The following LRMDA variants were observed in gnomAD, a reference collection of about 807,000 sequenced individuals.
LRMDA encodes the protein leucine-rich melanocyte differentiation-associated protein.
Under a neutral mutation model 29.8 loss-of-function variants are expected in LRMDA, and 18 were observed. The observed-to-expected ratio is 0.60, with a 90% CI of 0.42 to 0.90. The LOEUF (loss-of-function observed/expected upper bound fraction) is 0.90, where lower values mean the gene tolerates loss of function less well. Ranked by LOEUF, LRMDA falls within the 40% of genes least tolerant of loss-of-function variation. The pLI, the probability that LRMDA is intolerant of heterozygous loss-of-function variation, is 0.00. For synonymous variants in LRMDA, 125 were observed against 109.4 expected (o/e 1.14, Z -0.89); for missense variants, 273 against 273.9 (o/e 1.00, Z 0.02).
intron 4 of LRMDA, 49 bp from the exon 5 acceptor site, chr10:76,058,617 G>A (rs750730041): frequency 6.9e-7 from 1 of 1,455,856 alleles, no homozygotes; most frequent in South Asian, 1.1e-5. Flanking sequence ...CGGGATCTCT[G>A]AGGCTGCCAC....
intron 5 of LRMDA, among the ~76,000 whole-genome samples, chr10:76,207,134 A>G (rs1851551196): frequency 6.6e-6 from 1 of 151,934 alleles, no homozygotes. Context: ...GTGCCACAAC[A>G]GGGGTAATGA....
intron 2 of LRMDA, among the ~76,000 whole-genome samples, chr10:75,748,256 G>T (rs1410375682): frequency 6.6e-6 from 1 of 152,064 alleles, no homozygotes; most frequent in Admixed American, 6.6e-5. Context: ...ACCACACCTG[G>T]CTAATTTTTG....
chr10:75,431,846 C>CT (rs1268485039), intron 1 of LRMDA, 92 bp downstream of exon 1: 2 of 1,187,006 alleles, frequency 1.7e-6, no homozygotes, highest in African/African-American at 1.6e-5. Context: ...CTAGACACCC[C>CT]TGTCCCCGCC....
chr10:75,805,528 G>C (rs1843836251), intron 2 of LRMDA, among the ~76,000 whole-genome samples: 1 of 152,208 alleles, frequency 6.6e-6, no homozygotes, highest in Non-Finnish European at 1.5e-5. Flanking sequence ...GCTAGCAAAA[G>C]TCATGAGTAG....
In LRMDA at chr10:75,826,494, C is replaced by T. The variant is rs1054680428; in HGVS notation, c.132-209514C>T. 4.6e-5 allele frequency among the ~76,000 whole-genome samples: 7 copies of T among 152,300 alleles called. 1 individual carries two copies. In the Middle Eastern group the frequency reaches 0.01, roughly 222 times the overall value. On this transcript the variant is annotated intron_variant, in intron 2 of 6. Transcript: ENST00000611255. ...TCAGTGTCCATGTTAAGACACCTTA[C>T]TCGGCCTGACACTCCTAATTGGTTT...
At chr10:76,173,448 G>A (rs1485166286) in intron 5 of LRMDA, among the ~76,000 whole-genome samples, 1 of 152,130 alleles carries the variant, frequency 6.6e-6, no homozygotes, top group Non-Finnish European at 1.5e-5. Flanking sequence ...TAAACCTCTA[G>A]CTTACCAGAG....
At chr10:76,340,515 C>CAAA (rs1174024731) in intron 6 of LRMDA, among the ~76,000 whole-genome samples, 23,867 of 75,380 alleles carry the variant, frequency 0.32, 5,748 homozygotes, top group Non-Finnish European at 0.4. Context: ...GAACCTGTAT[C>CAAA]AAAAAAAAAA....
chr10:76,098,080 A>G (rs1417630238), intron 5 of LRMDA, among the ~76,000 whole-genome samples: 1 of 151,884 alleles, frequency 6.6e-6, no homozygotes, highest in Non-Finnish European at 1.5e-5. Context: ...TTCTAGCCAT[A>G]TTTTCTTCAT....
chr10:76,542,629 T>C (rs1055106696), intron 6 of LRMDA, among the ~76,000 whole-genome samples: 2 of 152,220 alleles, frequency 1.3e-5, no homozygotes, highest in Admixed American at 6.5e-5. Context: ...TGTTAATTGA[T>C]TTTTTGCACA....
chr10:75,944,747 TATATATAAAATAAA>T (rs1193471844), intron 2 of LRMDA, among the ~76,000 whole-genome samples: 1 of 148,418 alleles, frequency 6.7e-6, no homozygotes, highest in Non-Finnish European at 1.5e-5. Context: ...TATATGTATA[TATATATAAAATAAA>T]ATATATATGT....
chr10:76,125,643 G>C (rs772415937), intron 5 of LRMDA, among the ~76,000 whole-genome samples: 3 of 152,136 alleles, frequency 2.0e-5, no homozygotes, highest in Non-Finnish European at 2.9e-5. Flanking sequence ...CCCAAAAGGT[G>C]GGGTCTGTCA....
At chr10:76,422,083 C>T (rs1363669385) in intron 6 of LRMDA, among the ~76,000 whole-genome samples, 1 of 152,032 alleles carries the variant, frequency 6.6e-6, no homozygotes, top group Non-Finnish European at 1.5e-5. Context: ...TCAGGGTCCT[C>T]GCTGAAAGTC....
chr10:75,942,742 G>C (rs1383667638), intron 2 of LRMDA, among the ~76,000 whole-genome samples: 2 of 152,124 alleles, frequency 1.3e-5, no homozygotes, highest in Admixed American at 1.3e-4. Context: ...CTGGGTCTTT[G>C]GGTTCCTGGT....
chr10:75,745,682 T>C (rs184814273), intron 2 of LRMDA, among the ~76,000 whole-genome samples: 67 of 152,344 alleles, frequency 4.4e-4, no homozygotes, highest in Non-Finnish European at 8.1e-4. Context: ...CTCCAGACTT[T>C]ATTTGGATTC....
In LRMDA at chr10:76,118,929, G is replaced by C. The variant is rs1004385297; in HGVS notation, c.516+60146G>C. Among the ~76,000 whole-genome samples the C allele has an allele frequency of 8.3e-5, 12 of 144,748 alleles. No individual in the cohort carries two copies. In the East Asian group the frequency reaches 2.4e-3, roughly 29 times the overall value. The allele number at this position is 144,748 out of a possible 152,430, so 95.0% of individuals were successfully genotyped here. A position where few individuals can be genotyped will look rare whatever the true frequency, so the allele number is the denominator to read the frequency against. ...GAATGAAGGTCTCCCTGGTGCCCTGGTAGCTGCAGCCCCTCTTTTAGCATT... is the reference window on the plus strand; with the variant it reads ...GAATGAAGGTCTCCCTGGTGCCCTGCTAGCTGCAGCCCCTCTTTTAGCATT... On this transcript the variant is annotated intron_variant, in intron 5 of 6. Transcript: ENST00000611255.
chr10:76,052,910 A>G (rs942173862), intron 4 of LRMDA, among the ~76,000 whole-genome samples: 3 of 151,568 alleles, frequency 2.0e-5, no homozygotes, highest in African/African-American at 7.3e-5. Context: ...TGCCCTCTGG[A>G]GCTAGGGACG....
chr10:75,997,617 G>A (rs1156696600), intron 2 of LRMDA, among the ~76,000 whole-genome samples: 1 of 152,170 alleles, frequency 6.6e-6, no homozygotes, highest in East Asian at 1.9e-4. Context: ...ATTTGATGGT[G>A]GGAAAACTGA....
intron 5 of LRMDA, among the ~76,000 whole-genome samples, chr10:76,257,336 CT>C (rs35378191): frequency 7.0e-4 from 99 of 142,090 alleles, no homozygotes; most frequent in Non-Finnish European, 7.5e-4. Context: ...TTTTCTTTTT[CT>C]TTTTTTTTTT....
At chr10:75,875,016 G>A (rs987709080) in intron 2 of LRMDA, among the ~76,000 whole-genome samples, 1 of 152,188 alleles carries the variant, frequency 6.6e-6, no homozygotes, top group South Asian at 2.1e-4. Context: ...GGGCCACATC[G>A]TCCTAGAAGC....
Sources: gnomAD v4.1 joint callset for allele counts (sites outside exome capture counted in the v4.1 genomes callset) on GRCh38, gnomAD v4.1.1 for gene constraint, MANE v1.5 for transcripts, NCBI Gene and HGNC (gene_info 2026-07-23, HGNC 2026-07-21) for gene names.